CCDC85C: variants seen among roughly 807,000 people sequenced by gnomAD.
The protein encoded by CCDC85C is coiled-coil domain-containing protein 85C.
A neutral mutation model predicts 38.3 loss-of-function variants in CCDC85C; 18 were observed. The ratio of observed to expected loss-of-function variants is 0.47; its 90% CI spans 0.33 to 0.70. The LOEUF is 0.70. Ranked by LOEUF, CCDC85C falls within the 30% of genes least tolerant of loss-of-function variation. The probability of loss-of-function intolerance (pLI) is 0.03; values close to 1 mark genes in which losing one functional copy is unlikely to be tolerated. For missense variants in CCDC85C, 566 were observed against 621.2 expected (o/e 0.91, Z 0.94); for synonymous variants, 264 against 293.8 (o/e 0.90, Z 1.04).
At position 99,548,892 on chromosome 14, in the gene CCDC85C, A is replaced by G. The variant is rs926867215; in HGVS notation, c.794-12804T>C. Among the ~76,000 whole-genome samples, 3 of 152,234 alleles carry G rather than the reference A, an allele frequency of 2.0e-5. No homozygotes were observed. The highest frequency in any genetic ancestry group is 7.2e-5 in the African/African-American group (3 of 41,474). On this transcript the variant is annotated intron_variant, in intron 1 of 5. Coordinates refer to ENST00000380243, the MANE Select transcript of CCDC85C (RefSeq NM_001144995.2). The surrounding 1 kb of genome is among the most constrained non-coding windows in gnomAD (Gnocchi z 4.9). Reference sequence around the variant, plus strand: ...GGATGGGGGCAAGTCACTGAGGGACACACAGTGCGATGCCATTTCTACAAA... The same window carrying G: ...GGATGGGGGCAAGTCACTGAGGGACGCACAGTGCGATGCCATTTCTACAAA...
Position 99,500,550 on chromosome 14 carries a change from A to G in CCDC85C, c.*14696T>C. ...TTTTGTTTTCAGTATTTTTTTTTAC[A>G]TTACACCTCTGCTTTGTCTTCCTGT... On this transcript the variant is annotated 3_prime_UTR_variant, in exon 6 of 6. Coordinates refer to ENST00000380243, the MANE Select transcript of CCDC85C (RefSeq NM_001144995.2). 1 of 503,956 alleles carries G rather than the reference A, an allele frequency of 2.0e-6. No individual in the cohort carries two copies. Among genetic ancestry groups the G allele is most frequent in the Non-Finnish European group, 3.5e-6 (1 of 287,348 alleles). The allele number at this position is 503,956 out of a possible 1,614,324, so 31.2% of individuals were successfully genotyped here. A position where few individuals can be genotyped will look rare whatever the true frequency, so the allele number is the denominator to read the frequency against.
intron 1 of CCDC85C, among the ~76,000 whole-genome samples, chr14:99,561,622 C>T (rs781179632): frequency 2.6e-5 from 4 of 152,158 alleles, no homozygotes; most frequent in Admixed American, 6.5e-5. Context: ...CTCTGTGCTG[C>T]GAGCGGGCAG....
intron 1 of CCDC85C, among the ~76,000 whole-genome samples, chr14:99,536,696 C>T (rs979833430): frequency 1.3e-5 from 2 of 152,208 alleles, no homozygotes; most frequent in African/African-American, 4.8e-5. Context: ...ATATGACAGT[C>T]GGGAACCCCG....
At chr14:99,517,247 T>A in intron 3 of CCDC85C, 64 bp from the exon 4 acceptor site, 1 of 1,293,256 alleles carries the variant, frequency 7.7e-7, no homozygotes, top group Non-Finnish European at 1.1e-6. Context: ...GACCGGTGGC[T>A]CAGACAAGGC....
intron 1 of CCDC85C, among the ~76,000 whole-genome samples, chr14:99,591,931 A>G (rs1355819801): frequency 6.6e-6 from 1 of 151,950 alleles, no homozygotes; most frequent in Non-Finnish European, 1.5e-5. Context: ...ATGAGGTTTC[A>G]CCATGTTGGC....
chr14:99,540,613 G>C (rs1229297411), intron 1 of CCDC85C, among the ~76,000 whole-genome samples: 1 of 152,192 alleles, frequency 6.6e-6, no homozygotes, highest in African/African-American at 2.4e-5. Context: ...AGGTGACCCT[G>C]GGCTGGCCTG....
Position 99,516,114 on chromosome 14 carries a change from G to T in CCDC85C, c.1170+74C>A. 8.9e-7 allele frequency: 1 copy of T among 1,129,262 alleles called. No homozygotes were observed. The highest frequency in any genetic ancestry group is 1.3e-6 in the Non-Finnish European group (1 of 765,960). The allele number at this position is 1,129,262 out of a possible 1,614,324, so 70.0% of individuals were successfully genotyped here. The stretch of plus-strand genomic sequence containing the variant: ...AGAAATGGAGTCCCACATGGGGAAG[G>T]GTATGGCCATGCTGGGTGGCCCTGG... On this transcript the variant is annotated intron_variant, in intron 5 of 5. Transcript: ENST00000380243. The surrounding 1 kb of genome is among the most constrained non-coding windows in gnomAD (Gnocchi z 5.5).
rs1898046113 is a variant in CCDC85C at position 99,558,052 on chromosome 14, C to A, written c.794-21964G>T. 6.6e-6 allele frequency among the ~76,000 whole-genome samples: 1 copy of A among 152,212 alleles called. No homozygotes were observed. Among genetic ancestry groups the A allele is most frequent in the Non-Finnish European group, 1.5e-5 (1 of 68,030 alleles). ...GCTTAATCTTAGGGGAAAAAAATAT[C>A]AACCAGGTCTACTTCAGTGGTCTAT... On this transcript the variant is annotated intron_variant, in intron 1 of 5. Transcript: ENST00000380243. The surrounding 1 kb of genome is among the most constrained non-coding windows in gnomAD (Gnocchi z 4.2).
Position 99,516,259 on chromosome 14 carries a change from G to T in CCDC85C, c.1099C>A (p.Arg367=), listed in dbSNP as rs578038492. 1.5e-5 allele frequency: 23 copies of T among 1,551,080 alleles called. No homozygotes were observed. The highest frequency in any genetic ancestry group is 2.0e-5 in the Non-Finnish European group (23 of 1,146,914). The change falls in exon 5 of 6, where the codon CGG becomes AGG. Residue 367 remains arginine (R), a synonymous_variant. Coordinates refer to ENST00000380243, the MANE Select transcript of CCDC85C (RefSeq NM_001144995.2). This position sits in a 1 kb window ranked among gnomAD's most constrained non-coding sequence, Gnocchi z 5.5. The part of the protein sequence containing the change: ...KVLEVHENLD[R]QLQDSCEEDL... ...TCCTCACAGCTGTCCTGGAGCTGCC[G>T]GTCCAGATTCTCGTGTACCTCCAGG...
intron 1 of CCDC85C, among the ~76,000 whole-genome samples, chr14:99,573,165 C>T (rs1898393207): frequency 6.6e-6 from 1 of 152,218 alleles, no homozygotes; most frequent in Non-Finnish European, 1.5e-5. Context: ...CCTCGGAGTC[C>T]CCGCGGGACC....
At chr14:99,546,402 G>A (rs920849450) in intron 1 of CCDC85C, among the ~76,000 whole-genome samples, 1 of 152,026 alleles carries the variant, frequency 6.6e-6, no homozygotes, top group South Asian at 2.1e-4. Context: ...AGGCTTGGCT[G>A]GGTCATCACA....
At position 99,522,144 on chromosome 14, in the gene CCDC85C, A is replaced by G; in HGVS notation, c.964T>C (p.Ser322Pro). Residue 322 changes from serine to proline, a missense_variant, in exon 3 of 6, where the codon TCC becomes CCC. Transcript: ENST00000380243. ...LASLPPSYQD[S>P]LQNGPACPAP... is the part of the protein sequence containing the mutation. ...GGGTGCACACTCACGTTCTGCAGGG[A>G]GTCCTGGTAGGAGGGCGGCAGGGAC... 6.4e-7 allele frequency: 1 copy of G among 1,550,724 alleles called. No homozygotes were observed. Among genetic ancestry groups the G allele is most frequent in the Non-Finnish European group, 8.7e-7 (1 of 1,146,580 alleles).
chr14:99,518,608 T>C (rs1897260404), intron 3 of CCDC85C, among the ~76,000 whole-genome samples: 1 of 151,976 alleles, frequency 6.6e-6, no homozygotes, highest in Non-Finnish European at 1.5e-5. Context: ...GGGGCGCCAG[T>C]CGCACACATA....
chr14:99,586,078 T>C (rs1489030445), intron 1 of CCDC85C, among the ~76,000 whole-genome samples: 2 of 152,310 alleles, frequency 1.3e-5, no homozygotes, highest in Admixed American at 6.5e-5. Flanking sequence ...GGTCCCCTTA[T>C]AGATGAGGCT....
intron 1 of CCDC85C, among the ~76,000 whole-genome samples, chr14:99,577,234 T>C (rs113769244): frequency 0.018 from 2,702 of 151,772 alleles, 35 homozygotes; most frequent in Non-Finnish European, 0.027. Context: ...ACCATATCAC[T>C]ACCATTTCAG....
chr14:99,501,980 G>C lies in CCDC85C; in HGVS notation c.*13266C>G. ...GGTGTAGCAATTTTTGGATGTGCTA[G>C]AATTCTTCTGATTCTTTAAGGAATA... On this transcript the variant is annotated 3_prime_UTR_variant, in exon 6 of 6. Coordinates refer to ENST00000380243, the MANE Select transcript of CCDC85C (RefSeq NM_001144995.2). The C allele has an allele frequency of 2.4e-6, 1 of 411,986 alleles. No individual in the cohort carries two copies. Among genetic ancestry groups the C allele is most frequent in the East Asian group, 4.6e-5 (1 of 21,902 alleles). 25.5% of individuals were successfully genotyped at this position (411,986 alleles called of 1,614,324 possible).
At chr14:99,586,263 C>G (rs1461799115) in intron 1 of CCDC85C, among the ~76,000 whole-genome samples, 1 of 152,250 alleles carries the variant, frequency 6.6e-6, no homozygotes, top group Non-Finnish European at 1.5e-5. Flanking sequence ...TCCCAAGCAC[C>G]AGCAAGCAGG....
intron 1 of CCDC85C, among the ~76,000 whole-genome samples, chr14:99,549,445 G>T (rs1443841158): frequency 6.6e-6 from 1 of 152,326 alleles, no homozygotes; most frequent in East Asian, 1.9e-4. Context: ...GCGTCTGGCT[G>T]GAAGGTGGTG....
chr14:99,576,031 G>A lies in CCDC85C; in HGVS notation c.793+27136C>T. Among the ~76,000 whole-genome samples the A allele has an allele frequency of 6.6e-6, 1 of 152,216 alleles. No homozygotes were observed. The highest frequency in any genetic ancestry group is 1.5e-5 in the Non-Finnish European group (1 of 68,038). On this transcript the variant is annotated intron_variant, in intron 1 of 5. Coordinates refer to ENST00000380243, the MANE Select transcript of CCDC85C (RefSeq NM_001144995.2). The surrounding 1 kb of genome is among the most constrained non-coding windows in gnomAD (Gnocchi z 4.8). ...GAAAACCCGGGGGAAACCCGCTGCTGTGACCACCCCACTCCTCCAAACCTC... is the reference window on the plus strand; with the variant it reads ...GAAAACCCGGGGGAAACCCGCTGCTATGACCACCCCACTCCTCCAAACCTC...
Sources: gnomAD v4.1 joint callset for allele counts (sites outside exome capture counted in the v4.1 genomes callset) on GRCh38, gnomAD v4.1.1 for gene constraint, Gnocchi (gnomAD v3.1) non-coding constraint, MANE v1.5 for transcripts, NCBI Gene and HGNC (gene_info 2026-07-23, HGNC 2026-07-21) for gene names.